DOCK7: variants seen among roughly 807,000 people sequenced by gnomAD.
DOCK7 encodes the protein dedicator of cytokinesis protein 7.
Under a neutral mutation model 271.0 loss-of-function variants are expected in DOCK7, and 138 were observed. The observed-to-expected ratio is 0.51, with a 90% CI of 0.44 to 0.59. The LOEUF is 0.59. Ranked by LOEUF, DOCK7 falls within the 20% of genes least tolerant of loss-of-function variation. The pLI, the probability that DOCK7 is intolerant of heterozygous loss-of-function variation, is 0.00. For missense variants in DOCK7, 2,066 were observed against 2,592.4 expected, an observed-to-expected ratio of 0.80 and a Z score of 4.41; for synonymous variants, 823 against 876.1, an observed-to-expected ratio of 0.94 and a Z score of 1.07.
At chr1:62,661,509 T>C (rs1467989709) in intron 2 of DOCK7, among the ~76,000 whole-genome samples, 1 of 151,966 alleles carries the variant, frequency 6.6e-6, no homozygotes, top group Non-Finnish European at 1.5e-5. Flanking sequence ...TATATAAATA[T>C]TTTTTTAAAT....
At chr1:62,567,059 C>T (rs575418514) in intron 18 of DOCK7, among the ~76,000 whole-genome samples, 1 of 152,076 alleles carries the variant, frequency 6.6e-6, no homozygotes. Context: ...AGATGCTGGA[C>T]AGGATGTGGA....
intron 48 of DOCK7, among the ~76,000 whole-genome samples, chr1:62,461,580 T>C (rs1645527774): frequency 6.6e-6 from 1 of 151,372 alleles, no homozygotes; most frequent in African/African-American, 2.4e-5. Context: ...GGCAGGAGGA[T>C]CGCTTGAATC....
chr1:62,602,034 A>G (rs1410312591), intron 14 of DOCK7: 5 of 614,610 alleles, frequency 8.1e-6, no homozygotes, highest in African/African-American at 1.9e-5. Context: ...TTGTTTATGT[A>G]TTTACTCAAT....
intron 4 of DOCK7, among the ~76,000 whole-genome samples, chr1:62,651,133 A>G (rs1174275555): frequency 6.6e-6 from 1 of 151,952 alleles, no homozygotes; most frequent in African/African-American, 2.4e-5. Context: ...GGATGAGTTC[A>G]TGTCCTTTGT....
intron 14 of DOCK7, among the ~76,000 whole-genome samples, chr1:62,593,552 A>G (rs1286347876): frequency 6.6e-6 from 1 of 152,184 alleles, no homozygotes; most frequent in Non-Finnish European, 1.5e-5. Flanking sequence ...CCTGGGCAAC[A>G]AAGAGCAAAA....
At chr1:62,535,784 A>T in intron 28 of DOCK7, 152 bp from the exon 29 acceptor site, 1 of 540,216 alleles carries the variant, frequency 1.9e-6, no homozygotes, top group Non-Finnish European at 3.0e-6. Flanking sequence ...GACTTTTGGG[A>T]CAGGAAACTA....
intron 48 of DOCK7, among the ~76,000 whole-genome samples, chr1:62,465,568 T>C (rs1299558372): frequency 6.6e-6 from 1 of 152,202 alleles, no homozygotes; most frequent in Non-Finnish European, 1.5e-5. Context: ...GTTTGTTTTT[T>C]TGAGATGGAG....
chr1:62,601,861 G>T, intron 14 of DOCK7: 1 of 1,608,366 alleles, frequency 6.2e-7, no homozygotes, highest in Non-Finnish European at 8.5e-7. Flanking sequence ...AGTTTTTCAT[G>T]TCTACTGTGA....
At chr1:62,623,924 C>T (rs1653598848) in intron 12 of DOCK7, among the ~76,000 whole-genome samples, 1 of 152,148 alleles carries the variant, frequency 6.6e-6, no homozygotes, top group Non-Finnish European at 1.5e-5. Flanking sequence ...TTGAGGTCTA[C>T]CCTCAATTCT....
chr1:62,590,636 T>C (rs1648301631), intron 14 of DOCK7, among the ~76,000 whole-genome samples: 1 of 152,094 alleles, frequency 6.6e-6, no homozygotes, highest in African/African-American at 2.4e-5. Flanking sequence ...AGAATCACAC[T>C]GCAGCCAGAC....
Position 62,636,552 on chromosome 1 carries a change from G to T in DOCK7, c.870C>A (p.Val290=). 1.3e-6 allele frequency: 2 copies of T among 1,598,462 alleles called. No homozygotes were observed. Among genetic ancestry groups the T allele is most frequent in the South Asian group, 1.1e-5 (1 of 88,120 alleles). Residue 290 remains valine, a synonymous_variant, in exon 8 of 50, where the codon GTC becomes GTA. Transcript: ENST00000635253. ...ATAATCTTACCTTTTTCTTTTCCTT[G>T]ACATCATATAAAGCCAAACTTGCAA... ...PIFASLALYD[V]KEKKKISENF...
At chr1:62,677,499 A>G (rs937090628) in intron 1 of DOCK7, among the ~76,000 whole-genome samples, 2 of 152,048 alleles carry the variant, frequency 1.3e-5, no homozygotes, top group Non-Finnish European at 2.9e-5. Flanking sequence ...AGGAGTCAAC[A>G]CTTTGTGTGT....
chr1:62,505,717 G>C lies in DOCK7; in HGVS notation c.4576C>G (p.His1526Asp). 6.2e-7 allele frequency: 1 copy of C among 1,613,354 alleles called. No homozygotes were observed. ...AAGGCTCTCTGTGTAGCAAAACAGT[G>C]TTGTAGATAAACTGCACTTTGGTTA... is the stretch of plus-strand genomic sequence containing the variant. ...ACNQSAVYLQ[H>D]CFATQRALVS... Residue 1526 changes from histidine (H) to aspartate (D), a missense_variant, in exon 36 of 50, where the codon CAC becomes GAC. Coordinates refer to ENST00000635253, the MANE Select transcript of DOCK7 (RefSeq NM_001367561.1).
chr1:62,669,250 T>A (rs954240196), intron 1 of DOCK7, among the ~76,000 whole-genome samples: 5 of 152,196 alleles, frequency 3.3e-5, no homozygotes, highest in African/African-American at 1.2e-4. Context: ...GCTAATTGAG[T>A]TTGATTTCAG....
intron 48 of DOCK7, among the ~76,000 whole-genome samples, chr1:62,469,500 T>G (rs1410040876): frequency 2.0e-5 from 3 of 152,182 alleles, no homozygotes; most frequent in Non-Finnish European, 2.9e-5. Flanking sequence ...AGACATTGGC[T>G]TGGGCAAATA....
intron 34 of DOCK7, among the ~76,000 whole-genome samples, chr1:62,509,783 T>C (rs1194629148): frequency 6.6e-6 from 1 of 152,132 alleles, no homozygotes; most frequent in Non-Finnish European, 1.5e-5. Flanking sequence ...TGTGAGAAAA[T>C]ATTGTGAAAG....
chr1:62,672,817 A>G (rs1660160076), intron 1 of DOCK7, among the ~76,000 whole-genome samples: 2 of 152,178 alleles, frequency 1.3e-5, no homozygotes, highest in South Asian at 4.1e-4. Context: ...AGATCCATAA[A>G]GCTCCTAAAG....
intron 2 of DOCK7, among the ~76,000 whole-genome samples, chr1:62,654,419 G>C (rs1657741965): frequency 1.3e-5 from 2 of 151,804 alleles, no homozygotes; most frequent in South Asian, 4.2e-4. Flanking sequence ...ACACTAGTAA[G>C]AATTAACAGT....
chr1:62,550,309 A>G (rs1645853950), intron 22 of DOCK7, among the ~76,000 whole-genome samples: 1 of 152,180 alleles, frequency 6.6e-6, no homozygotes, highest in African/African-American at 2.4e-5. Context: ...TTTTTAATAC[A>G]GAAGAGTATT....
Sources: gnomAD v4.1 joint callset for allele counts (sites outside exome capture counted in the v4.1 genomes callset) on GRCh38, gnomAD v4.1.1 for gene constraint, MANE v1.5 for transcripts, NCBI Gene and HGNC (gene_info 2026-07-23, HGNC 2026-07-21) for gene names.